Variants in ABCB1 observed in about 807,000 individuals in gnomAD.
ABCB1 encodes ATP binding cassette subfamily B member 1, also known as ATP-dependent translocase ABCB1.
ABCB1 carries 69 observed loss-of-function variants against 142.0 expected under a neutral mutation model. The observed-to-expected ratio is 0.49, with a 90% CI of 0.40 to 0.59. ABCB1 has a LOEUF of 0.59. ABCB1 is among the 20% of genes least tolerant of loss of function. ABCB1 has a pLI of 0.00. For synonymous variants in ABCB1, 532 were observed against 539.2 expected, an observed-to-expected ratio of 0.99 and a Z score of 0.18; for missense variants, 1,326 against 1,554.7, an observed-to-expected ratio of 0.85 and a Z score of 2.47.
Position 87,515,349 on chromosome 7 carries a change from C to T in ABCB1, c.3164G>A (p.Gly1055Glu), listed in dbSNP as rs774405049. Residue 1055 changes from glycine to glutamate, a missense_variant, in exon 25 of 28, where the codon GGA (glycine) becomes GAA (glutamate). Physicochemically the swap from Gly to Glu is moderately conservative, Grantham distance 98. Coordinates refer to ENST00000622132, the MANE Select transcript of ABCB1 (RefSeq NM_001348946.2). ...GCCCTTCTTCACCTCCAGGCTCAGT[C>T]CCTGAAGCACTGGGATGTCCGGTCG... ...PTRPDIPVLQ[G>E]LSLEVKKGQT... 1.7e-5 allele frequency: 28 copies of T among 1,614,066 alleles called. No homozygotes were observed. In the South Asian group the frequency reaches 3.0e-4, roughly 17 times the overall value.
intron 7 of ABCB1, among the ~76,000 whole-genome samples, chr7:87,565,128 A>G (rs994183023): frequency 5.9e-5 from 9 of 152,260 alleles, no homozygotes; most frequent in Non-Finnish European, 1.3e-4. Context: ...TAAATGCTCA[A>G]TAAATGATAA....
At chr7:87,597,653 A>T (rs561330195) in intron 2 of ABCB1, among the ~76,000 whole-genome samples, 1 of 152,230 alleles carries the variant, frequency 6.6e-6, no homozygotes, top group South Asian at 2.1e-4. Flanking sequence ...TCAAAAATAC[A>T]AAGTTAAAAA....
intron 1 of ABCB1, among the ~76,000 whole-genome samples, chr7:87,701,224 C>G (rs1168082724): frequency 6.6e-6 from 1 of 152,056 alleles, no homozygotes; most frequent in Non-Finnish European, 1.5e-5. Flanking sequence ...AACTTATAAA[C>G]ATAATTTTTT....
chr7:87,712,280 AGAT>A (rs1215105330), intron 1 of ABCB1, among the ~76,000 whole-genome samples: 5 of 152,104 alleles, frequency 3.3e-5, no homozygotes, highest in Non-Finnish European at 7.4e-5. Flanking sequence ...ATAAACAGTG[AGAT>A]GATGATAAAA....
chr7:87,538,162 G>C (rs1481605518), intron 19 of ABCB1, among the ~76,000 whole-genome samples: 1 of 152,190 alleles, frequency 6.6e-6, no homozygotes, highest in Non-Finnish European at 1.5e-5. Flanking sequence ...CAAACCATCA[G>C]CTCAGCTGCC....
At chr7:87,696,790 C>T (rs528486020) in intron 1 of ABCB1, among the ~76,000 whole-genome samples, 6 of 151,930 alleles carry the variant, frequency 3.9e-5, no homozygotes, top group Non-Finnish European at 7.4e-5. Context: ...GATGATATGC[C>T]GTCCTGTCAA....
intron 1 of ABCB1, chr7:87,713,050 G>T (rs903835439): frequency 6.6e-6 from 1 of 151,984 alleles, no homozygotes. Context: ...TGAAACCAAA[G>T]AAATTCTTAA....
At chr7:87,647,651 G>C (rs754916041) in intron 1 of ABCB1, among the ~76,000 whole-genome samples, 1 of 152,074 alleles carries the variant, frequency 6.6e-6, no homozygotes, top group African/African-American at 2.4e-5. Flanking sequence ...CTACAATAAC[G>C]TGGTTTCAAT....
chr7:87,524,744 A>T (rs1455288755), intron 21 of ABCB1, among the ~76,000 whole-genome samples: 1 of 152,138 alleles, frequency 6.6e-6, no homozygotes, highest in Non-Finnish European at 1.5e-5. Context: ...ATAAAAATAA[A>T]AAAATAAAAT....
chr7:87,650,884 A>C, intron 1 of ABCB1: 1 of 1,613,220 alleles, frequency 6.2e-7, no homozygotes, highest in Non-Finnish European at 8.5e-7. Context: ...TCTTCTCCTG[A>C]ATTTAACAAT....
At chr7:87,505,793 G>A (rs1177354386) in intron 27 of ABCB1, 104 bp downstream of exon 27, 1 of 1,375,542 alleles carries the variant, frequency 7.3e-7, no homozygotes, top group Non-Finnish European at 1.0e-6. Context: ...GGTGATGTAA[G>A]TAACTGTCAA....
intron 1 of ABCB1, among the ~76,000 whole-genome samples, chr7:87,642,008 A>G (rs1050699505): frequency 3.9e-5 from 6 of 152,058 alleles, no homozygotes; most frequent in African/African-American, 1.4e-4. Context: ...ATGATAAGAA[A>G]ATATATTTAA....
rs747650743 is a variant in ABCB1 at position 87,509,424 on chromosome 7, C to T, written c.3340G>A (p.Gly1114Ser). 3 of 1,614,058 alleles carry T rather than the reference C, an allele frequency of 1.9e-6. No individual in the cohort carries two copies. The highest frequency in any genetic ancestry group is 2.5e-6 in the Non-Finnish European group (3 of 1,180,044). Reference protein sequence around the residue: ...LNVQWLRAHLGIVSQEPILFD... With the variant: ...LNVQWLRAHLSIVSQEPILFD... ...AGGATGGGCTCCTGGGACACGATGC[C>T]CAGGTGTGCTCGGAGCCACTGAACA... Residue 1114 changes from glycine to serine, a missense_variant, in exon 26 of 28, where the codon GGC (glycine) becomes AGC (serine). Coordinates refer to ENST00000622132, the MANE Select transcript of ABCB1 (RefSeq NM_001348946.2).
chr7:87,605,037 A>G (rs760463289), upstream of ABCB1, among the ~76,000 whole-genome samples: 15 of 152,360 alleles, frequency 9.8e-5, no homozygotes, highest in East Asian at 1.9e-4. Context: ...AGAGTATGAC[A>G]TCAGAGGCAG....
chr7:87,526,391 T>C (rs1014817485), intron 21 of ABCB1, among the ~76,000 whole-genome samples: 1 of 152,028 alleles, frequency 6.6e-6, no homozygotes, highest in Non-Finnish European at 1.5e-5. Flanking sequence ...TTAAAAATCC[T>C]TATGAGTGGC....
At chr7:87,526,970 A>T (rs1042150570) in intron 21 of ABCB1, among the ~76,000 whole-genome samples, 1 of 152,056 alleles carries the variant, frequency 6.6e-6, no homozygotes, top group African/African-American at 2.4e-5. Context: ...TTCCTTATTA[A>T]TAAAAGTCCT....
At chr7:87,585,892 C>A (rs1229408634) in intron 3 of ABCB1, among the ~76,000 whole-genome samples, 1 of 152,154 alleles carries the variant, frequency 6.6e-6, no homozygotes, top group Admixed American at 6.5e-5. Flanking sequence ...TGGCCTAATT[C>A]TTCATATTGG....
intron 3 of ABCB1, among the ~76,000 whole-genome samples, chr7:87,589,837 G>GAGAGAGAGAGAGA (rs1818919970): frequency 5.6e-4 from 48 of 84,992 alleles, no homozygotes; most frequent in African/African-American, 3.3e-3. Flanking sequence ...AGAGAGAGAG[G>GAGAGAGAGAGAGA]GAGAGAGGGA....
intron 7 of ABCB1, among the ~76,000 whole-genome samples, chr7:87,565,708 A>G (rs550937038): frequency 3.3e-5 from 5 of 152,130 alleles, no homozygotes; most frequent in South Asian, 2.1e-4. Context: ...TGCCGTGTGA[A>G]TGGGGCATCA....
Sources: gnomAD v4.1 joint callset for allele counts (sites outside exome capture counted in the v4.1 genomes callset) on GRCh38, gnomAD v4.1.1 for gene constraint, MANE v1.5 for transcripts, NCBI Gene and HGNC (gene_info 2026-07-23, HGNC 2026-07-21) for gene names.